Variants in GINS3 observed in about 807,000 individuals in gnomAD.
GINS3 encodes GINS complex subunit 3, also known as DNA replication complex GINS protein PSF3.
GINS3 carries 18 observed loss-of-function variants against 20.0 expected under a neutral mutation model. The ratio of observed to expected loss-of-function variants is 0.90; its 90% CI spans 0.62 to 1.33. The LOEUF (loss-of-function observed/expected upper bound fraction) is 1.33. GINS3 is among the 40% of genes most tolerant of loss of function. GINS3 has a pLI of 0.00. For missense variants in GINS3, 254 were observed against 273.6 expected (o/e 0.93, Z 0.51); for synonymous variants, 109 against 107.0 (o/e 1.02, Z -0.12).
In GINS3 at chr16:58,405,082, T is replaced by C. The variant is rs1352333993; in HGVS notation, c.*353T>C. On this transcript the variant is annotated 3_prime_UTR_variant, in exon 3 of 3. Coordinates refer to ENST00000318129, the MANE Select transcript of GINS3 (RefSeq NM_022770.4). ...GTCTGGGAGTTTGGACAGCTTCAGA[T>C]GTACAGTTTCACTAGCCACAAAGCA... 4.2e-6 allele frequency: 1 copy of C among 237,976 alleles called. No individual in the cohort carries two copies. The highest frequency in any genetic ancestry group is 8.3e-6 in the Non-Finnish European group (1 of 120,064). The allele number at this position is 237,976 out of a possible 1,614,324, so 14.7% of individuals were successfully genotyped here. A position where few individuals can be genotyped will look rare whatever the true frequency, so the allele number is the denominator to read the frequency against.
intron 1 of GINS3, 103 bp downstream of exon 1, chr16:58,392,890 T>A: frequency 7.8e-7 from 1 of 1,279,500 alleles, no homozygotes; most frequent in Non-Finnish European, 1.0e-6. Context: ...TTGGGATTTG[T>A]AGTTTTCGAG....
At chr16:58,396,802 G>A (rs1475386123) in intron 1 of GINS3, among the ~76,000 whole-genome samples, 21 of 133,404 alleles carry the variant, frequency 1.6e-4, no homozygotes, top group Non-Finnish European at 2.1e-4. Flanking sequence ...GCGGCTGGCC[G>A]GGCAGAGGGG....
intron 2 of GINS3, chr16:58,403,936 T>C (rs962836920): frequency 2.5e-5 from 4 of 159,902 alleles, no homozygotes; most frequent in Non-Finnish European, 5.5e-5. Context: ...TCTCTAGACA[T>C]CAATTCACCT....
At chr16:58,396,195 T>A (rs1965854299) in intron 1 of GINS3, among the ~76,000 whole-genome samples, 1 of 117,994 alleles carries the variant, frequency 8.5e-6, no homozygotes, top group Non-Finnish European at 1.8e-5. Flanking sequence ...GGCTCCTCAC[T>A]TACCAGTAGG....
chr16:58,397,057 G>A (rs553950034), intron 1 of GINS3, among the ~76,000 whole-genome samples: 4 of 149,682 alleles, frequency 2.7e-5, no homozygotes, highest in South Asian at 2.1e-4. Context: ...CGGCTGGCCG[G>A]GCGGGGGGCT....
In GINS3 at chr16:58,399,958, CATT is replaced by C. The variant is rs1965933225; in HGVS notation, c.187-3131_187-3129del. 2.0e-5 allele frequency among the ~76,000 whole-genome samples: 3 copies of C among 152,172 alleles called. No homozygotes were observed. In the South Asian group the frequency reaches 6.2e-4, roughly 31 times the overall value. ...TGACTCATTGAAAACCCCTGTAAAA[CATT>C]ATTATTATATACCCACTTATATATT... On this transcript the variant is annotated intron_variant, in intron 1 of 2. Transcript: ENST00000318129.
At position 58,392,507 on chromosome 16, in the gene GINS3, C is replaced by A; in HGVS notation, c.-95C>A. 7.2e-7 allele frequency: 1 copy of A among 1,387,064 alleles called. No homozygotes were observed. 85.9% of individuals were successfully genotyped at this position (1,387,064 alleles called of 1,614,324 possible). On this transcript the variant is annotated 5_prime_UTR_variant, in exon 1 of 3. Transcript: ENST00000318129. ...AATCCACTTTCCTGACCCCAACCAT[C>A]CTGCCCAGTCTCCGCTTCCCCGTCT...
At position 58,396,165 on chromosome 16, in the gene GINS3, G is replaced by GC. The variant is rs1184300469; in HGVS notation, c.186+3378_186+3379insC. ...ACCCCCCCACCTCCCTCTTGGACGGGGCGGCTGGCCGGGCAGAGGGGCTCC... is the reference window on the plus strand; with the variant it reads ...ACCCCCCCACCTCCCTCTTGGACGGGCGCGGCTGGCCGGGCAGAGGGGCTCC... On this transcript the variant is annotated intron_variant, in intron 1 of 2. Coordinates refer to ENST00000318129, the MANE Select transcript of GINS3 (RefSeq NM_022770.4). 3.4e-4 allele frequency among the ~76,000 whole-genome samples: 47 copies of GC among 136,962 alleles called. 4 individuals are homozygous for GC. The highest frequency in any genetic ancestry group is 1.3e-3 in the African/African-American group (44 of 35,164). The allele number at this position is 136,962 out of a possible 152,430, so 89.9% of individuals were successfully genotyped here. A position where few individuals can be genotyped will look rare whatever the true frequency, so the allele number is the denominator to read the frequency against.
chr16:58,398,394 G>T (rs1379200515), intron 1 of GINS3, among the ~76,000 whole-genome samples: 1 of 152,102 alleles, frequency 6.6e-6, no homozygotes, highest in East Asian at 1.9e-4. Flanking sequence ...GATCACTTGA[G>T]CCCAGGAGTT....
intron 1 of GINS3, 59 bp from the exon 2 acceptor site, chr16:58,403,039 C>A: frequency 7.3e-7 from 1 of 1,365,344 alleles, no homozygotes; most frequent in Non-Finnish European, 1.0e-6. Context: ...TCCTTTTCGT[C>A]ACACACATTT....
In GINS3 at chr16:58,404,654, G is replaced by A. The variant is rs1475734198; in HGVS notation, c.576G>A (p.Gly192=). The change falls in exon 3 of 3, where the codon GGG becomes GGA. Residue 192 remains glycine (G), a synonymous_variant. Transcript: ENST00000318129. ...ATGACTTTCAGTGTTGGGAGAAGGGGCAGGCTTCTCAGATCACAGCTTCCA... is the reference window on the plus strand; with the variant it reads ...ATGACTTTCAGTGTTGGGAGAAGGGACAGGCTTCTCAGATCACAGCTTCCA... ...GLNDFQCWEK[G]QASQITASNL... is the part of the protein sequence containing the mutation. 5.0e-6 allele frequency: 8 copies of A among 1,614,112 alleles called. No homozygotes were observed. The Admixed American group carries it at 1.3e-4, about 27-fold the overall frequency.
At chr16:58,398,157 C>A (rs1965909121) in intron 1 of GINS3, among the ~76,000 whole-genome samples, 1 of 152,044 alleles carries the variant, frequency 6.6e-6, no homozygotes, top group African/African-American at 2.4e-5. Flanking sequence ...CACACAGATA[C>A]ACATTTTGAG....
At position 58,404,805 on chromosome 16, in the gene GINS3, T is replaced by A. The variant is rs1966007772; in HGVS notation, c.*76T>A. 9.8e-7 allele frequency: 1 copy of A among 1,017,480 alleles called. No homozygotes were observed. Among genetic ancestry groups the A allele is most frequent in the East Asian group, 2.6e-5 (1 of 38,940 alleles). 63.0% of individuals were successfully genotyped at this position (1,017,480 alleles called of 1,614,324 possible). ...CCTTGATAGGAGCTGGTTGACCTTG[T>A]ACAGAACCAGAATCCTGTCCCATTT... On this transcript the variant is annotated 3_prime_UTR_variant, in exon 3 of 3. Transcript: ENST00000318129.
At chr16:58,397,291 G>A (rs917433256) in intron 1 of GINS3, among the ~76,000 whole-genome samples, 4 of 150,810 alleles carry the variant, frequency 2.7e-5, no homozygotes, top group African/African-American at 7.4e-5. Context: ...GACGATGGGC[G>A]GCCGGGCAGA....
At position 58,404,873 on chromosome 16, in the gene GINS3, G is replaced by T. The variant is rs1230015101; in HGVS notation, c.*144G>T. 1.5e-6 allele frequency: 1 copy of T among 654,928 alleles called. No individual in the cohort carries two copies. Among genetic ancestry groups the T allele is most frequent in the African/African-American group, 1.8e-5 (1 of 54,962 alleles). The allele number at this position is 654,928 out of a possible 1,614,324, so 40.6% of individuals were successfully genotyped here. ...GGCCATAGAGAATTATAGGGAACTG[G>T]ACATGCTGGAGGATGTGGGTGTCCC... On this transcript the variant is annotated 3_prime_UTR_variant, in exon 3 of 3. Coordinates refer to ENST00000318129, the MANE Select transcript of GINS3 (RefSeq NM_022770.4).
chr16:58,405,031 G>A lies in GINS3; in HGVS notation c.*302G>A. Reference sequence around the variant, plus strand: ...AATCACTGCCATATAATATATCACAGTAGAGTTGCAACTGAGATTCCTTGT... The same window carrying A: ...AATCACTGCCATATAATATATCACAATAGAGTTGCAACTGAGATTCCTTGT... On this transcript the variant is annotated 3_prime_UTR_variant, in exon 3 of 3. Transcript: ENST00000318129. The A allele has an allele frequency of 6.7e-6, 2 of 299,246 alleles. No individual in the cohort carries two copies. The highest frequency in any genetic ancestry group is 1.3e-5 in the Non-Finnish European group (2 of 158,684). The allele number at this position is 299,246 out of a possible 1,614,324, so 18.5% of individuals were successfully genotyped here. A position where few individuals can be genotyped will look rare whatever the true frequency, so the allele number is the denominator to read the frequency against.
Position 58,405,086 on chromosome 16 carries a change from C to T in GINS3, c.*357C>T. Reference sequence around the variant, plus strand: ...GGGAGTTTGGACAGCTTCAGATGTACAGTTTCACTAGCCACAAAGCACAGG... The same window carrying T: ...GGGAGTTTGGACAGCTTCAGATGTATAGTTTCACTAGCCACAAAGCACAGG... On this transcript the variant is annotated 3_prime_UTR_variant, in exon 3 of 3. Coordinates refer to ENST00000318129, the MANE Select transcript of GINS3 (RefSeq NM_022770.4). 1 of 232,472 alleles carries T rather than the reference C, an allele frequency of 4.3e-6. No individual in the cohort carries two copies. The allele number at this position is 232,472 out of a possible 1,614,324, so 14.4% of individuals were successfully genotyped here.
Position 58,405,042 on chromosome 16 carries a change from A to G in GINS3, c.*313A>G. The G allele has an allele frequency of 3.6e-6, 1 of 275,592 alleles. No individual in the cohort carries two copies. The highest frequency in any genetic ancestry group is 5.6e-5 in the South Asian group (1 of 17,754). 17.1% of individuals were successfully genotyped at this position (275,592 alleles called of 1,614,324 possible). A position where few individuals can be genotyped will look rare whatever the true frequency, so the allele number is the denominator to read the frequency against. On this transcript the variant is annotated 3_prime_UTR_variant, in exon 3 of 3. Transcript: ENST00000318129. ...TATAATATATCACAGTAGAGTTGCA[A>G]CTGAGATTCCTTGTGTCTGGGAGTT... is the stretch of plus-strand genomic sequence containing the variant.
chr16:58,398,812 A>G (rs187945624), intron 1 of GINS3, among the ~76,000 whole-genome samples: 356 of 152,302 alleles, frequency 2.3e-3, no homozygotes, highest in Admixed American at 4.4e-3. Context: ...CATAGTCTAC[A>G]TGATTTCAGT....
Sources: allele counts gnomAD v4.1 joint callset (sites outside exome capture counted in the v4.1 genomes callset), GRCh38; gene constraint gnomAD v4.1.1; transcripts MANE v1.5; gene names NCBI Gene and HGNC (gene_info 2026-07-23, HGNC 2026-07-21).